Variants in HEATR1 observed in about 807,000 individuals in gnomAD.
HEATR1 encodes HEAT repeat-containing protein 1.
In HEATR1, 77 loss-of-function variants were observed where a neutral mutation model predicts 248.2. The observed-to-expected ratio is 0.31, with a 90% CI of 0.26 to 0.37. The LOEUF is 0.37. Among genes scored for constraint, HEATR1 ranks in the 10% least tolerant of loss-of-function variants. The pLI is 1.00. For synonymous variants in HEATR1, 897 were observed against 923.1 expected (o/e 0.97, Z 0.51); for missense variants, 2,420 against 2,504.9 (o/e 0.97, Z 0.72).
Position 236,603,928 on chromosome 1 carries a change from CT to C in HEATR1, c.142+25del, listed in dbSNP as rs781524736. The C allele has an allele frequency of 7.0e-6, 11 of 1,577,748 alleles. No individual in the cohort carries two copies. In the African/African-American group the frequency reaches 1.1e-4, roughly 16 times the overall value. The stretch of plus-strand genomic sequence containing the variant: ...TCCAGAAAACAAACGCTTCCAAGAG[CT>C]TTTCTAAGTTAAAAGATGGCTCACC... On this transcript the variant is annotated intron_variant, in intron 2 of 44. Transcript: ENST00000366582.
chr1:236,597,797 G>C, intron 5 of HEATR1, 81 bp downstream of exon 5: 3 of 833,196 alleles, frequency 3.6e-6, no homozygotes, highest in Non-Finnish European at 5.8e-6. Context: ...ATTGTTATTA[G>C]GGAATGTTTT....
chr1:236,556,560 G>T (rs1444478879), intron 37 of HEATR1, among the ~76,000 whole-genome samples: 1 of 152,196 alleles, frequency 6.6e-6, no homozygotes, highest in East Asian at 1.9e-4. Flanking sequence ...GAGTCAAGTT[G>T]CTAAAAAACT....
chr1:236,592,580 T>G lies in HEATR1; in HGVS notation c.1247A>C (p.Asn416Thr), dbSNP rs147493070. Residue 416 changes from asparagine (N) to threonine (T), a missense_variant, in exon 10 of 45, where the codon AAT (asparagine) becomes ACT (threonine). Physicochemically the swap from Asn to Thr is moderately conservative, Grantham distance 65 (BLOSUM62 0). Transcript: ENST00000366582. ...SYSSQEEMDS[N>T]KVSLLNEQFL... ...TTGTTCATTAAGCAAAGACACTTTA[T>G]TAGAATCCATTTCTTCCTGTGAACT... 5 of 1,528,720 alleles carry G rather than the reference T, an allele frequency of 3.3e-6. No individual in the cohort carries two copies. The highest frequency in any genetic ancestry group is 4.5e-6 in the Non-Finnish European group (5 of 1,105,638). The allele number at this position is 1,528,720 out of a possible 1,614,324, so 94.7% of individuals were successfully genotyped here. A position where few individuals can be genotyped will look rare whatever the true frequency, so the allele number is the denominator to read the frequency against.
intron 16 of HEATR1, 22 bp downstream of exon 16, chr1:236,585,798 T>C: frequency 2.5e-6 from 4 of 1,605,932 alleles, no homozygotes; most frequent in Non-Finnish European, 3.4e-6. Flanking sequence ...ATCCAGGGGG[T>C]GGACTTTCAA....
intron 42 of HEATR1, 75 bp from the exon 43 acceptor site, chr1:236,553,814 C>T (rs980867406): frequency 2.8e-6 from 4 of 1,439,568 alleles, no homozygotes; most frequent in African/African-American, 2.9e-5. Context: ...ATCCAACATA[C>T]AAATATTTTA....
In HEATR1 at chr1:236,594,046, A is replaced by T. The variant is rs1458983144; in HGVS notation, c.1159T>A (p.Ser387Thr). The T allele has an allele frequency of 6.3e-7, 1 of 1,599,950 alleles. No individual in the cohort carries two copies. Among genetic ancestry groups the T allele is most frequent in the Non-Finnish European group, 8.5e-7 (1 of 1,175,206 alleles). ...RHLEAILTKI[S>T]LKNNLDHLLA... Reference sequence around the variant, plus strand: ...AAATGGTCTAAGTTGTTCTTCAGTGATATTTTTGTAAGTATAGCTTCTAAG... The same window carrying T: ...AAATGGTCTAAGTTGTTCTTCAGTGTTATTTTTGTAAGTATAGCTTCTAAG... Residue 387 changes from serine to threonine, a missense_variant, in exon 9 of 45, where the codon TCA becomes ACA. By Grantham distance (58) the Ser-to-Thr change is moderately conservative. Transcript: ENST00000366582.
chr1:236,558,861 T>C (rs367948829), intron 35 of HEATR1, 134 bp downstream of exon 35: 2 of 800,202 alleles, frequency 2.5e-6, no homozygotes, highest in Non-Finnish European at 3.9e-6. Flanking sequence ...TTTTAAAACA[T>C]GTCATGGTAT....
chr1:236,576,325 T>A lies in HEATR1; in HGVS notation c.2978A>T (p.His993Leu). 6.2e-7 allele frequency: 1 copy of A among 1,605,718 alleles called. No homozygotes were observed. Among genetic ancestry groups the A allele is most frequent in the Non-Finnish European group, 8.5e-7 (1 of 1,173,564 alleles). Reference sequence around the variant, plus strand: ...TTTCAAAGTTTCAGACAACTTCTGATGAGATTTCAGTTTCTTTTCTCTCTG... The same window carrying A: ...TTTCAAAGTTTCAGACAACTTCTGAAGAGATTTCAGTTTCTTTTCTCTCTG... ...ELQREKKLKS[H>L]QKLSETLKNL... is the part of the protein sequence containing the mutation. Residue 993 changes from histidine (H) to leucine (L), a missense_variant, in exon 22 of 45, where the codon CAT becomes CTT. By Grantham distance (99) the His-to-Leu change is moderately conservative. Coordinates refer to ENST00000366582, the MANE Select transcript of HEATR1 (RefSeq NM_018072.6).
In HEATR1 at chr1:236,594,074, T is replaced by C. The variant is rs1572052711; in HGVS notation, c.1131A>G (p.Arg377=). 1.2e-6 allele frequency: 2 copies of C among 1,602,982 alleles called. No individual in the cohort carries two copies. Among genetic ancestry groups the C allele is most frequent in the East Asian group, 4.5e-5 (2 of 44,064 alleles). ...TEGMDGQIYK[R]HLEAILTKIS... ...TTTTTGTAAGTATAGCTTCTAAGTGTCTCTTGTAGATTTGACCATCCATTC... is the reference window on the plus strand; with the variant it reads ...TTTTTGTAAGTATAGCTTCTAAGTGCCTCTTGTAGATTTGACCATCCATTC... Residue 377 remains arginine (R), a synonymous_variant, in exon 9 of 45, where the codon AGA becomes AGG. Transcript: ENST00000366582.
chr1:236,555,670 G>GC lies in HEATR1; in HGVS notation c.5650-16dup, dbSNP rs1485415148. The GC allele has an allele frequency of 5.0e-6, 8 of 1,612,532 alleles. No individual in the cohort carries two copies. The Admixed American group carries it at 5.0e-5, about 10-fold the overall frequency. ...TCCAGATCGTTCTGAAAACAGAAGA[G>GC]CCCATTTATTAGAGTGCTGATACCT... On this transcript the variant is annotated splice_polypyrimidine_tract_variant and intron_variant, in intron 39 of 44. Coordinates refer to ENST00000366582, the MANE Select transcript of HEATR1 (RefSeq NM_018072.6).
chr1:236,591,667 C>G (rs1664041354), intron 11 of HEATR1, among the ~76,000 whole-genome samples: 1 of 152,074 alleles, frequency 6.6e-6, no homozygotes. Flanking sequence ...AAAGCATAGA[C>G]CTAGATGAAA....
At chr1:236,556,292 T>C (rs1165852409) in intron 37 of HEATR1, 34 bp from the exon 38 acceptor site, 2 of 1,609,120 alleles carry the variant, frequency 1.2e-6, no homozygotes, top group African/African-American at 2.7e-5. Context: ...TCAGGGCCAC[T>C]GCAGATCTTC....
In HEATR1 at chr1:236,559,057, G is replaced by A. The variant is rs571188259; in HGVS notation, c.4849C>T (p.Arg1617Cys). The A allele has an allele frequency of 1.6e-5, 25 of 1,612,708 alleles. No individual in the cohort carries two copies. Among genetic ancestry groups the A allele is most frequent in the East Asian group, 2.2e-5 (1 of 44,820 alleles). ...TTATTCAAAAGGTCCAGCGCTTTGC[G>A]GCGAACAGATGGCAGGGGATTGCCC... The part of the protein sequence containing the change: ...LVGNPLPSVR[R>C]KALDLLNNKL... Residue 1617 changes from arginine to cysteine, a missense_variant, in exon 35 of 45, where the codon CGC becomes TGC. Transcript: ENST00000366582.
At chr1:236,570,252 G>A (rs1431564100) in intron 28 of HEATR1, among the ~76,000 whole-genome samples, 3 of 152,200 alleles carry the variant, frequency 2.0e-5, no homozygotes, top group East Asian at 3.8e-4. Context: ...TCGCGCCACT[G>A]CACTCCAGCC....
At chr1:236,585,444 C>T (rs914638849) in intron 16 of HEATR1, among the ~76,000 whole-genome samples, 1 of 152,138 alleles carries the variant, frequency 6.6e-6, no homozygotes, top group East Asian at 1.9e-4. Context: ...TTAAATCACA[C>T]ATCTAATCCT....
intron 14 of HEATR1, among the ~76,000 whole-genome samples, 188 bp downstream of exon 14, chr1:236,587,214 T>A (rs1191458885): frequency 1.3e-5 from 2 of 151,772 alleles, no homozygotes; most frequent in African/African-American, 4.8e-5. Flanking sequence ...AACAGTATAA[T>A]GAACACACAC....
intron 4 of HEATR1, 74 bp downstream of exon 4, chr1:236,599,409 C>T: frequency 5.3e-6 from 7 of 1,324,620 alleles, no homozygotes; most frequent in Non-Finnish European, 7.2e-6. Context: ...GGAGCAATGA[C>T]TTATTTTTTC....
At chr1:236,597,016 A>G in intron 5 of HEATR1, 40 bp from the exon 6 acceptor site, 1 of 1,595,036 alleles carries the variant, frequency 6.3e-7, no homozygotes, top group Non-Finnish European at 8.5e-7. Context: ...TTAACAGTGA[A>G]AGGGAGGTAG....
intron 11 of HEATR1, among the ~76,000 whole-genome samples, chr1:236,591,337 T>C (rs1175532505): frequency 1.3e-5 from 2 of 152,180 alleles, no homozygotes; most frequent in African/African-American, 2.4e-5. Flanking sequence ...GACACTCAAA[T>C]TCGTGACAAC....
Sources: gnomAD v4.1 joint callset for allele counts (sites outside exome capture counted in the v4.1 genomes callset) on GRCh38, gnomAD v4.1.1 for gene constraint, MANE v1.5 for transcripts, NCBI Gene and HGNC (gene_info 2026-07-23, HGNC 2026-07-21) for gene names.